The following PRELID2 variants were observed in gnomAD, a reference collection of about 807,000 sequenced individuals.
PRELID2 encodes the protein PRELI domain containing 2, also known as PRELI domain-containing protein 2.
In PRELID2, 25 loss-of-function variants were observed where a neutral mutation model predicts 28.4. That is an observed-to-expected ratio of 0.88 (90% CI 0.64 to 1.23). PRELID2 has a LOEUF of 1.23. Ranked by LOEUF, PRELID2 falls within the 50% of genes most tolerant of loss-of-function variation. The probability of loss-of-function intolerance (pLI) is 0.00; values close to 1 mark genes in which losing one functional copy is unlikely to be tolerated. For synonymous variants in PRELID2, 76 were observed against 71.6 expected (o/e 1.06, Z -0.31); for missense variants, 201 against 214.4 (o/e 0.94, Z 0.39).
At chr5:145,231,660 G>A in the PRELID2 span, among the ~76,000 whole-genome samples, 1 of 151,984 alleles carries the variant, frequency 6.6e-6, no homozygotes, top group African/African-American at 2.4e-5. Flanking sequence ...GTCAACCTCT[G>A]AATCCCCCAC....
intron 1 of PRELID2, among the ~76,000 whole-genome samples, chr5:145,692,965 C>T (rs1449335098): frequency 1.3e-5 from 2 of 152,008 alleles, no homozygotes; most frequent in African/African-American, 4.8e-5. Flanking sequence ...GCAGAAGCAA[C>T]CATTTGAAAA....
chr5:145,415,605 T>G, the PRELID2 span, among the ~76,000 whole-genome samples: 1 of 150,830 alleles, frequency 6.6e-6, no homozygotes, highest in African/African-American at 2.4e-5. Flanking sequence ...ACAAAGGACA[T>G]GAACTCATCA....
At chr5:145,237,014 T>A in the PRELID2 span, among the ~76,000 whole-genome samples, 1 of 152,184 alleles carries the variant, frequency 6.6e-6, no homozygotes, top group Non-Finnish European at 1.5e-5. Context: ...ACCAGAAGAA[T>A]GTGAGGAACT....
the PRELID2 span, among the ~76,000 whole-genome samples, chr5:145,420,144 T>C: frequency 5.3e-5 from 8 of 152,156 alleles, 1 homozygote; most frequent in Admixed American, 4.6e-4. Context: ...CCTTGTAGTA[T>C]AGTTTGAAGT....
chr5:145,297,631 G>T, the PRELID2 span, among the ~76,000 whole-genome samples: 2 of 151,490 alleles, frequency 1.3e-5, no homozygotes, highest in African/African-American at 4.8e-5. Flanking sequence ...CAATTAGGCA[G>T]GAGAAGGAAA....
chr5:145,369,516 T>TATA, the PRELID2 span, among the ~76,000 whole-genome samples: 2 of 152,118 alleles, frequency 1.3e-5, no homozygotes, highest in Non-Finnish European at 2.9e-5. Flanking sequence ...TTATCCAGTT[T>TATA]ATAATTGTTG....
At chr5:145,237,443 T>A in the PRELID2 span, among the ~76,000 whole-genome samples, 6 of 152,086 alleles carry the variant, frequency 3.9e-5, no homozygotes, top group African/African-American at 1.4e-4. Context: ...ATTTTTTTAA[T>A]GGTTGTCTGG....
At chr5:145,820,245 T>A (rs2149866978) in intron 2 of PRELID2, among the ~76,000 whole-genome samples, 1 of 152,072 alleles carries the variant, frequency 6.6e-6, no homozygotes, top group Non-Finnish European at 1.5e-5. Context: ...TCTTTTAAAG[T>A]CAGTATCAAT....
chr5:145,536,891 C>T, intron 1 of PRELID2, among the ~76,000 whole-genome samples: 1 of 151,670 alleles, frequency 6.6e-6, no homozygotes, highest in Non-Finnish European at 1.5e-5. Flanking sequence ...AGCACATTCA[C>T]AGGAAGTCTA....
At chr5:145,308,976 G>T in the PRELID2 span, among the ~76,000 whole-genome samples, 1 of 152,136 alleles carries the variant, frequency 6.6e-6, no homozygotes, top group Admixed American at 6.5e-5. Context: ...CAGAATTCAA[G>T]AATGTATTGG....
At chr5:145,814,814 CA>C (rs1231258508) in intron 4 of PRELID2, among the ~76,000 whole-genome samples, 1 of 152,068 alleles carries the variant, frequency 6.6e-6, no homozygotes, top group Non-Finnish European at 1.5e-5. Flanking sequence ...AAATGTATCT[CA>C]AAAAAATTAA....
intron 1 of PRELID2, among the ~76,000 whole-genome samples, chr5:145,586,067 GA>G (rs896778976): frequency 4.6e-5 from 7 of 152,016 alleles, no homozygotes; most frequent in African/African-American, 1.7e-4. Context: ...GCAAGTGAAA[GA>G]AAACTGAGAG....
intron 1 of PRELID2, among the ~76,000 whole-genome samples, chr5:145,707,371 G>A (rs1458519143): frequency 6.6e-6 from 1 of 152,154 alleles, no homozygotes; most frequent in Admixed American, 6.5e-5. Flanking sequence ...CTGACCTTTG[G>A]AATCTGAGTG....
chr5:145,523,053 C>T (rs537102697), intron 1 of PRELID2, among the ~76,000 whole-genome samples: 1 of 152,034 alleles, frequency 6.6e-6, no homozygotes, highest in Non-Finnish European at 1.5e-5. Context: ...AATAAGTCAG[C>T]CATCTTAATA....
intron 1 of PRELID2, among the ~76,000 whole-genome samples, chr5:145,481,624 A>AAAAAAAAAAAAAAAAAAAAAAAAAAAAG (rs1752161569): frequency 9.1e-5 from 1 of 11,040 alleles, no homozygotes; most frequent in Non-Finnish European, 1.9e-4. Flanking sequence ...CAAGGAAATC[A>AAAAAAAAAAAAAAAAAAAAAAAAAAAAG]AAAAAAAAAA....
the PRELID2 span, among the ~76,000 whole-genome samples, chr5:145,408,410 T>TATATATATGTATAAGATATATGTATAAC: frequency 1.4e-5 from 2 of 138,232 alleles, no homozygotes; most frequent in Non-Finnish European, 3.2e-5. Context: ...TATATATATA[T>TATATATATGTATAAGATATATGTATAAC]ATATATATGT....
chr5:145,489,923 A>T (rs979915678), intron 1 of PRELID2, among the ~76,000 whole-genome samples: 2 of 152,218 alleles, frequency 1.3e-5, no homozygotes, highest in Non-Finnish European at 2.9e-5. Flanking sequence ...AAAATTATCC[A>T]TTATTTCAAT....
intron 1 of PRELID2, chr5:145,729,041 C>T (rs1232083611): frequency 1.5e-6 from 1 of 647,968 alleles, no homozygotes; most frequent in Non-Finnish European, 2.8e-6. Context: ...ATGTGAAATA[C>T]TACATAATAA....
At chr5:145,483,049 C>T (rs2126618900) in intron 1 of PRELID2, among the ~76,000 whole-genome samples, 1 of 152,208 alleles carries the variant, frequency 6.6e-6, no homozygotes, top group Non-Finnish European at 1.5e-5. Flanking sequence ...ACAGTTTTCA[C>T]AATTCACCTA....
Sources: gnomAD v4.1 joint callset for allele counts (sites outside exome capture counted in the v4.1 genomes callset) on GRCh38, gnomAD v4.1.1 for gene constraint, MANE v1.5 for transcripts, NCBI Gene and HGNC (gene_info 2026-07-23, HGNC 2026-07-21) for gene names.